BRD3: variants seen among roughly 807,000 people sequenced by gnomAD.
BRD3 encodes the protein bromodomain containing 3, also known as bromodomain-containing protein 3.
BRD3 carries 17 observed loss-of-function variants against 66.8 expected under a neutral mutation model. The observed-to-expected ratio is 0.25, with a 90% CI of 0.17 to 0.38. BRD3 has a LOEUF of 0.38. Ranked by LOEUF, BRD3 falls within the 10% of genes least tolerant of loss-of-function variation. The probability of loss-of-function intolerance (pLI) is 1.00; values close to 1 mark genes in which losing one functional copy is unlikely to be tolerated. For missense variants in BRD3, 713 were observed against 956.1 expected, an observed-to-expected ratio of 0.75 and a Z score of 3.35; for synonymous variants, 421 against 393.2, an observed-to-expected ratio of 1.07 and a Z score of -0.84.
At chr9:134,058,378 A>G (rs1026529954) in intron 1 of BRD3, 3 of 152,278 alleles carry the variant, frequency 2.0e-5, no homozygotes, top group Non-Finnish European at 2.9e-5. Flanking sequence ...CAGAGGTAAC[A>G]TTGGGAGTGT....
chr9:134,046,130 C>T (rs922908656), intron 6 of BRD3, among the ~76,000 whole-genome samples: 5 of 152,200 alleles, frequency 3.3e-5, no homozygotes, highest in Non-Finnish European at 7.3e-5. Flanking sequence ...GAGGCCAAGG[C>T]CTGGGTAGAC....
At chr9:134,047,506 G>T (rs1440732888) in intron 6 of BRD3, among the ~76,000 whole-genome samples, 3 of 152,230 alleles carry the variant, frequency 2.0e-5, no homozygotes, top group African/African-American at 7.2e-5. Context: ...ACTCTGACCT[G>T]CTGTGAGGCA....
intron 1 of BRD3, among the ~76,000 whole-genome samples, chr9:134,064,225 T>C (rs1345737529): frequency 2.0e-5 from 3 of 152,166 alleles, no homozygotes; most frequent in Non-Finnish European, 2.9e-5. Context: ...AAAGTGACAC[T>C]TTCTCTTTAA....
Position 134,045,904 on chromosome 9 carries a change from T to C in BRD3, c.1087-483A>G, listed in dbSNP as rs1830156011. On this transcript the variant is annotated intron_variant, in intron 6 of 11. Transcript: ENST00000303407. The surrounding 1 kb of genome is among the most constrained non-coding windows in gnomAD (Gnocchi z 4.8). ...TTCCCTCGAGGAAGCCAGTAGCTGT[T>C]AGCCAGCTTGCGTCTTACAGAAGCA... is the stretch of plus-strand genomic sequence containing the variant. Among the ~76,000 whole-genome samples the C allele has an allele frequency of 6.6e-6, 1 of 152,202 alleles. No homozygotes were observed. Among genetic ancestry groups the C allele is most frequent in the Non-Finnish European group, 1.5e-5 (1 of 68,016 alleles).
At chr9:134,050,658 C>T (rs1389869705) in intron 4 of BRD3, 70 bp from the exon 5 acceptor site, 2 of 1,317,376 alleles carry the variant, frequency 1.5e-6, no homozygotes, top group East Asian at 4.8e-5. Context: ...CCAGTGCCAC[C>T]CCTCCAGCCA....
intron 3 of BRD3, 121 bp from the exon 4 acceptor site, chr9:134,051,830 G>A (rs1428260728): frequency 5.7e-6 from 6 of 1,044,074 alleles, no homozygotes; most frequent in Non-Finnish European, 8.1e-6. Context: ...CAGCGCAGGA[G>A]AGAACAAAAT....
rs755277498 is a variant in BRD3, at chr9:134,030,597, TC to T, written c.*2992del. ...ATTTTAAATATAAAAAAGAAAAACT[TC>T]CTGGAAGCATTATGCCAGTATTAAG... On this transcript the variant is annotated 3_prime_UTR_variant, in exon 12 of 12. Transcript: ENST00000303407. 3.2e-4 allele frequency: 72 copies of T among 223,754 alleles called. No individual in the cohort carries two copies. The highest frequency in any genetic ancestry group is 2.4e-3 in the South Asian group (13 of 5,448). 13.9% of individuals were successfully genotyped at this position (223,754 alleles called of 1,614,324 possible).
intron 6 of BRD3, among the ~76,000 whole-genome samples, chr9:134,047,137 G>C (rs544042558): frequency 3.9e-5 from 6 of 152,240 alleles, no homozygotes; most frequent in Non-Finnish European, 8.8e-5. Context: ...GCCTGGGCCA[G>C]CCAGGTCTGT....
chr9:134,040,634 CA>C (rs1463698264), intron 8 of BRD3, among the ~76,000 whole-genome samples: 31 of 152,358 alleles, frequency 2.0e-4, no homozygotes, highest in African/African-American at 7.2e-4. Context: ...CATAGGTATA[CA>C]TGTGCCACGG....
At chr9:134,046,749 T>C (rs1830178711) in intron 6 of BRD3, among the ~76,000 whole-genome samples, 1 of 152,068 alleles carries the variant, frequency 6.6e-6, no homozygotes, top group Non-Finnish European at 1.5e-5. Context: ...GTGCTGCCAC[T>C]GCACCTGGCT....
intron 9 of BRD3, among the ~76,000 whole-genome samples, chr9:134,038,113 T>A (rs1267684121): frequency 1.3e-5 from 2 of 152,192 alleles, no homozygotes; most frequent in East Asian, 3.8e-4. Context: ...TTCTATACAT[T>A]TACTCCAGAA....
At chr9:134,064,672 C>T (rs1238100426) in intron 1 of BRD3, among the ~76,000 whole-genome samples, 1 of 152,128 alleles carries the variant, frequency 6.6e-6, no homozygotes, top group Admixed American at 6.5e-5. Flanking sequence ...ACCAGCCTGG[C>T]CAACATGGTG....
chr9:134,067,403 G>A (rs1830685440), intron 1 of BRD3, among the ~76,000 whole-genome samples: 9 of 149,676 alleles, frequency 6.0e-5, no homozygotes, highest in Admixed American at 6.0e-4. Context: ...GCGGGCCCCA[G>A]CAACGGCTCG....
chr9:134,039,671 G>A (rs930248185), intron 9 of BRD3, among the ~76,000 whole-genome samples: 11 of 152,340 alleles, frequency 7.2e-5, no homozygotes, highest in Non-Finnish European at 1.3e-4. Context: ...AGCTGTGCAC[G>A]ATTCCACCAT....
chr9:134,042,350 A>G (rs906345565), intron 7 of BRD3, among the ~76,000 whole-genome samples: 1 of 152,192 alleles, frequency 6.6e-6, no homozygotes, highest in African/African-American at 2.4e-5. Flanking sequence ...CAGGAGTCCA[A>G]GAGTGTTGAC....
Position 134,041,963 on chromosome 9 carries a change from CA to C in BRD3, c.1216-13del, listed in dbSNP as rs1488129055. The C allele has an allele frequency of 6.4e-7, 1 of 1,560,490 alleles. No individual in the cohort carries two copies. The highest frequency in any genetic ancestry group is 1.4e-5 in the African/African-American group (1 of 73,884). On this transcript the variant is annotated splice_polypyrimidine_tract_variant and intron_variant, in intron 7 of 11. Coordinates refer to ENST00000303407, the MANE Select transcript of BRD3 (RefSeq NM_007371.4). ...ATCTCAAACACGTCCTGCGGCAGAA[CA>C]GAGGCTGCCCTGAAGACATGGGTGC... is the stretch of plus-strand genomic sequence containing the variant.
At chr9:134,040,491 A>G (rs1393427401) in intron 8 of BRD3, among the ~76,000 whole-genome samples, 1 of 152,206 alleles carries the variant, frequency 6.6e-6, no homozygotes, top group Non-Finnish European at 1.5e-5. Context: ...GCAGTGGGGA[A>G]GAGCTGCCTG....
chr9:134,053,633 C>T (rs978818099), intron 1 of BRD3, 43 bp from the exon 2 acceptor site: 10 of 1,426,390 alleles, frequency 7.0e-6, no homozygotes, highest in East Asian at 2.5e-5. Flanking sequence ...CCAGTCACCC[C>T]GGGGACCCCC....
chr9:134,059,786 G>A (rs918736439), intron 1 of BRD3, among the ~76,000 whole-genome samples: 7 of 152,190 alleles, frequency 4.6e-5, no homozygotes, highest in Non-Finnish European at 8.8e-5. Context: ...CAGCCACCTC[G>A]CTCCAGGGGG....
Sources: gnomAD v4.1 joint callset for allele counts (sites outside exome capture counted in the v4.1 genomes callset) on GRCh38, gnomAD v4.1.1 for gene constraint, Gnocchi (gnomAD v3.1) non-coding constraint, MANE v1.5 for transcripts, NCBI Gene and HGNC (gene_info 2026-07-23, HGNC 2026-07-21) for gene names.